Variants in BRI3 observed in about 807,000 individuals in gnomAD.
BRI3 encodes brain protein I3, also known as membrane protein BRI3.
In BRI3, 6 loss-of-function variants were observed where a neutral mutation model predicts 12.8. The ratio of observed to expected loss-of-function variants is 0.47; its 90% CI spans 0.26 to 0.93. BRI3 has a LOEUF of 0.93. Among genes scored for constraint, BRI3 ranks in the 40% least tolerant of loss-of-function variants. The pLI is 0.15. For synonymous variants in BRI3, 91 were observed against 76.1 expected (o/e 1.20, Z -1.02); for missense variants, 134 against 171.1 (o/e 0.78, Z 1.21).
intron 2 of BRI3, among the ~76,000 whole-genome samples, chr7:98,285,642 G>A (rs1356043126): frequency 6.6e-6 from 1 of 152,212 alleles, no homozygotes; most frequent in African/African-American, 2.4e-5. Flanking sequence ...TGTGGGCCAA[G>A]TGGCACTGCT....
chr7:98,296,219 T>C (rs1800185085), downstream of BRI3, among the ~76,000 whole-genome samples: 3 of 152,228 alleles, frequency 2.0e-5, no homozygotes. Flanking sequence ...AGGTGGGCCA[T>C]GCTGGGTGAT....
chr7:98,306,354 C>T (rs1041664222), upstream of BRI3: 15 of 1,506,846 alleles, frequency 1.0e-5, no homozygotes, highest in East Asian at 2.3e-5. Flanking sequence ...GCAGGGCCTG[C>T]GACACAGCTA....
chr7:98,306,359 C>G (rs13232181), upstream of BRI3: 690,677 of 1,534,790 alleles, frequency 0.45, 163,495 homozygotes, highest in Middle Eastern at 0.54. Flanking sequence ...GCCTGCGACA[C>G]AGCTAGATGG....
the BRI3 span, among the ~76,000 whole-genome samples, chr7:98,319,412 T>C: frequency 6.6e-6 from 1 of 152,156 alleles, no homozygotes; most frequent in East Asian, 1.9e-4. Context: ...CAGCCTGAAG[T>C]GCTGCTGGCT....
At chr7:98,318,669 G>T in the BRI3 span, among the ~76,000 whole-genome samples, 1 of 151,694 alleles carries the variant, frequency 6.6e-6, no homozygotes, top group African/African-American at 2.4e-5. Flanking sequence ...TGTCTGGCCG[G>T]CATGGTGGCT....
chr7:98,298,481 C>T (rs1290816801), intron 1 of BRI3, among the ~76,000 whole-genome samples: 7 of 151,884 alleles, frequency 4.6e-5, no homozygotes, highest in African/African-American at 1.4e-4. Flanking sequence ...GGCGTAGTGG[C>T]GGGCGCCTGT....
chr7:98,299,875 T>C (rs1009992621), intron 1 of BRI3, among the ~76,000 whole-genome samples: 15 of 151,872 alleles, frequency 9.9e-5, no homozygotes, highest in African/African-American at 1.5e-4. Context: ...ACCCCGTATC[T>C]ACTAAAAATA....
chr7:98,295,066 G>A (rs1388498873), downstream of BRI3, among the ~76,000 whole-genome samples: 3 of 152,222 alleles, frequency 2.0e-5, no homozygotes, highest in African/African-American at 4.8e-5. Flanking sequence ...ACAGCCCCAG[G>A]AAGCGTCCCA....
chr7:98,313,782 CTAAT>C (rs1308499211), downstream of BRI3, among the ~76,000 whole-genome samples: 4 of 148,970 alleles, frequency 2.7e-5, no homozygotes, highest in Non-Finnish European at 5.9e-5. Flanking sequence ...CCACAACTGG[CTAAT>C]TAAAACTTTT....
downstream of BRI3, chr7:98,293,709 C>G (rs1288414657): frequency 3.0e-6 from 3 of 996,834 alleles, no homozygotes; most frequent in Middle Eastern, 5.9e-4. Context: ...GACCACCTCC[C>G]CAGCTTGTAC....
chr7:98,294,302 G>C (rs1369299991), downstream of BRI3, among the ~76,000 whole-genome samples: 1 of 152,190 alleles, frequency 6.6e-6, no homozygotes, highest in Non-Finnish European at 1.5e-5. Flanking sequence ...CTGTATTGGA[G>C]ATTTTTAATA....
At chr7:98,297,724 T>C (rs1378057801), downstream of BRI3, among the ~76,000 whole-genome samples, 1 of 152,192 alleles carries the variant, frequency 6.6e-6, no homozygotes, top group Non-Finnish European at 1.5e-5. Flanking sequence ...TGGGATCTTT[T>C]TGGAAGCCGA....
At chr7:98,284,990 G>T (rs961473505) in intron 2 of BRI3, among the ~76,000 whole-genome samples, 1 of 152,162 alleles carries the variant, frequency 6.6e-6, no homozygotes, top group African/African-American at 2.4e-5. Context: ...TAGCTGCGCT[G>T]GGAGGCTCTC....
chr7:98,293,892 G>A (rs1322948476), downstream of BRI3, among the ~76,000 whole-genome samples: 2 of 152,212 alleles, frequency 1.3e-5, no homozygotes, highest in Non-Finnish European at 2.9e-5. Flanking sequence ...GGGAAGCCCT[G>A]CTCCCAGCGT....
downstream of BRI3, chr7:98,294,125 AAAG>A (rs759992240): frequency 7.7e-5 from 125 of 1,613,018 alleles, no homozygotes; most frequent in Non-Finnish European, 1.0e-4. Flanking sequence ...TGAGAAAGAT[AAAG>A]AAGTTTATGG....
chr7:98,282,687 C>G (rs556938830), intron 2 of BRI3: 10 of 516,950 alleles, frequency 1.9e-5, no homozygotes, highest in African/African-American at 1.7e-4. Context: ...GATTCCTTTT[C>G]CTAGATCTTG....
intron 2 of BRI3, among the ~76,000 whole-genome samples, chr7:98,290,194 T>G (rs1271756880): frequency 1.4e-5 from 2 of 143,648 alleles, no homozygotes; most frequent in South Asian, 4.7e-4. Context: ...TTTTTTTTTT[T>G]TTTTTTTTTT....
upstream of BRI3, chr7:98,304,064 C>T: frequency 1.0e-6 from 1 of 952,384 alleles, no homozygotes; most frequent in Non-Finnish European, 1.5e-6. Context: ...AAGTCCCCTC[C>T]TCCCTCCTCC....
At chr7:98,294,739 A>G (rs1453333458), downstream of BRI3, among the ~76,000 whole-genome samples, 1 of 152,176 alleles carries the variant, frequency 6.6e-6, no homozygotes, top group Non-Finnish European at 1.5e-5. Flanking sequence ...GAAACAGGAA[A>G]TAAAAATAAA....
Sources: gnomAD v4.1 joint callset for allele counts (sites outside exome capture counted in the v4.1 genomes callset) on GRCh38, gnomAD v4.1.1 for gene constraint, MANE v1.5 for transcripts, NCBI Gene and HGNC (gene_info 2026-07-23, HGNC 2026-07-21) for gene names.